Variants in RBFOX1 observed in about 807,000 individuals in gnomAD.
RBFOX1 encodes RNA binding protein fox-1 homolog 1.
RBFOX1 carries 8 observed loss-of-function variants against 57.7 expected under a neutral mutation model. The ratio of observed to expected loss-of-function variants is 0.14; its 90% CI spans 0.08 to 0.25. RBFOX1 has a LOEUF of 0.25. Ranked by LOEUF, RBFOX1 falls within the 10% of genes least tolerant of loss-of-function variation. The pLI is 1.00. For synonymous variants in RBFOX1, 326 were observed against 222.4 expected (o/e 1.47, Z -4.15); for missense variants, 611 against 548.5 (o/e 1.11, Z -1.14).
chr16:7,403,521 A>G (rs932924064), intron 4 of RBFOX1, among the ~76,000 whole-genome samples: 17 of 151,008 alleles, frequency 1.1e-4, no homozygotes, highest in African/African-American at 3.4e-4. Context: ...TCTCTAGCAT[A>G]ATGTCCTCCA....
intron 4 of RBFOX1, among the ~76,000 whole-genome samples, chr16:7,366,840 A>C (rs2097459556): frequency 6.6e-6 from 1 of 152,228 alleles, no homozygotes; most frequent in Non-Finnish European, 1.5e-5. Flanking sequence ...GCAGAGACAC[A>C]TGAAAGAATT....
intron 4 of RBFOX1, among the ~76,000 whole-genome samples, chr16:5,884,339 G>T (rs759732623): frequency 6.6e-6 from 1 of 152,094 alleles, no homozygotes; most frequent in African/African-American, 2.4e-5. Context: ...ATGATAGTGT[G>T]CTTTTGAGTC....
chr16:5,504,421 G>A (rs1237785874), intron 2 of RBFOX1, among the ~76,000 whole-genome samples: 1 of 152,240 alleles, frequency 6.6e-6, no homozygotes, highest in Non-Finnish European at 1.5e-5. Context: ...AGGCCATTGA[G>A]AAGCAGTTTC....
rs746674928 is a variant in RBFOX1 at position 6,657,111 on chromosome 16, CCCTCT to C, written c.-16+2482_-16+2486del. The stretch of plus-strand genomic sequence containing the variant: ...TCCTCCCCTTTACTCTCCTCTCCTC[CCCTCT>C]CCTCTCCTCTCCTCTCCTCTTCTCT... On this transcript the variant is annotated intron_variant, in intron 3 of 15. Coordinates refer to ENST00000550418, the MANE Select transcript of RBFOX1 (RefSeq NM_018723.4). Among the ~76,000 whole-genome samples the C allele has an allele frequency of 2.8e-3, 309 of 111,786 alleles. 21 individuals carry two copies. Among genetic ancestry groups the C allele is most frequent in the East Asian group, 0.015 (44 of 3,002 alleles). 73.3% of individuals were successfully genotyped at this position (111,786 alleles called of 152,430 possible).
chr16:7,251,140 AT>A (rs1452665914), intron 4 of RBFOX1, among the ~76,000 whole-genome samples: 5 of 152,122 alleles, frequency 3.3e-5, no homozygotes, highest in Non-Finnish European at 7.4e-5. Flanking sequence ...TTTTGTATCC[AT>A]TCACCAACAT....
At chr16:5,434,494 G>A (rs995311463) in intron 1 of RBFOX1, among the ~76,000 whole-genome samples, 2 of 151,604 alleles carry the variant, frequency 1.3e-5, no homozygotes, top group African/African-American at 4.8e-5. Context: ...GCTAATTTTT[G>A]TATTTTTAGT....
At chr16:7,350,310 T>C (rs1036187376) in intron 4 of RBFOX1, among the ~76,000 whole-genome samples, 3 of 151,978 alleles carry the variant, frequency 2.0e-5, no homozygotes, top group African/African-American at 4.8e-5. Context: ...GCAAAAGTCC[T>C]GAGATGGAAT....
intron 4 of RBFOX1, among the ~76,000 whole-genome samples, chr16:7,412,290 C>G (rs1033863571): frequency 1.1e-4 from 17 of 151,760 alleles, no homozygotes; most frequent in Admixed American, 1.1e-3. Context: ...TGGCGTGTGC[C>G]TGTAATCTCA....
At chr16:7,359,661 A>T (rs1443637347) in intron 4 of RBFOX1, among the ~76,000 whole-genome samples, 1 of 152,124 alleles carries the variant, frequency 6.6e-6, no homozygotes, top group Admixed American at 6.5e-5. Flanking sequence ...TCCATCAGCA[A>T]TGTCAAGGAT....
At chr16:5,356,688 A>T (rs1473688586) in intron 1 of RBFOX1, among the ~76,000 whole-genome samples, 1 of 152,194 alleles carries the variant, frequency 6.6e-6, no homozygotes, top group Non-Finnish European at 1.5e-5. Flanking sequence ...TTATGATGGG[A>T]AATGGCAAAC....
intron 4 of RBFOX1, among the ~76,000 whole-genome samples, chr16:7,189,366 C>T (rs2084753032): frequency 7.2e-6 from 1 of 138,344 alleles, no homozygotes. Flanking sequence ...GTGGAGCTTG[C>T]AGTGAGCTGA....
chr16:6,270,192 TAA>T (rs59113414), intron 1 of RBFOX1, among the ~76,000 whole-genome samples: 54 of 149,000 alleles, frequency 3.6e-4, no homozygotes, highest in East Asian at 1.2e-3. Context: ...AAAGAACAAA[TAA>T]AAAAAAAAGA....
intron 4 of RBFOX1, among the ~76,000 whole-genome samples, chr16:5,915,485 G>A (rs901979336): frequency 1.3e-5 from 2 of 152,180 alleles, no homozygotes; most frequent in Non-Finnish European, 2.9e-5. Flanking sequence ...GAGTGAATGA[G>A]ACGGCAGGGT....
At chr16:6,948,351 A>G (rs912335868) in intron 3 of RBFOX1, among the ~76,000 whole-genome samples, 6 of 146,892 alleles carry the variant, frequency 4.1e-5, no homozygotes, top group Non-Finnish European at 7.5e-5. Context: ...TCTTTCTGCT[A>G]CATGTCCTTT....
intron 1 of RBFOX1, among the ~76,000 whole-genome samples, chr16:6,100,206 A>G (rs1158404394): frequency 6.6e-6 from 1 of 151,792 alleles, no homozygotes; most frequent in Non-Finnish European, 1.5e-5. Context: ...TCTGTCACCC[A>G]GGCTGGAGTG....
chr16:6,905,973 G>C (rs1302011735), intron 3 of RBFOX1, among the ~76,000 whole-genome samples: 1 of 152,182 alleles, frequency 6.6e-6, no homozygotes, highest in African/African-American at 2.4e-5. Flanking sequence ...GTGCCAGGCT[G>C]CAGGGTCCTT....
chr16:7,356,180 C>G (rs2097211225), intron 4 of RBFOX1, among the ~76,000 whole-genome samples: 1 of 152,164 alleles, frequency 6.6e-6, no homozygotes, highest in African/African-American at 2.4e-5. Context: ...TGATTCCATG[C>G]TAGGCAGAGT....
At chr16:7,586,532 AT>A (rs1186527538) in intron 6 of RBFOX1, among the ~76,000 whole-genome samples, 1 of 152,230 alleles carries the variant, frequency 6.6e-6, no homozygotes, top group Admixed American at 6.5e-5. Context: ...TGTGTGACAT[AT>A]CCTGAAAAAT....
chr16:7,202,478 A>G (rs1034507986), intron 4 of RBFOX1, among the ~76,000 whole-genome samples: 3 of 152,176 alleles, frequency 2.0e-5, no homozygotes, highest in Non-Finnish European at 2.9e-5. Context: ...TATTCTGGAT[A>G]TATATTTAAA....
Sources: allele counts gnomAD v4.1 joint callset (sites outside exome capture counted in the v4.1 genomes callset), GRCh38; gene constraint gnomAD v4.1.1; transcripts MANE v1.5; gene names NCBI Gene and HGNC (gene_info 2026-07-23, HGNC 2026-07-21).